Variants in MYOM2 observed in about 807,000 individuals in gnomAD.
MYOM2 encodes myomesin-2.
MYOM2 carries 254 observed loss-of-function variants against 187.6 expected under a neutral mutation model. The observed-to-expected ratio is 1.35, with a 90% CI of 1.22 to 1.50. The LOEUF (loss-of-function observed/expected upper bound fraction) is 1.50. Ranked by LOEUF, MYOM2 falls within the 40% of genes most tolerant of loss-of-function variation. MYOM2 has a pLI of 0.00. For synonymous variants in MYOM2, 981 were observed against 753.8 expected (o/e 1.30, Z -4.94); for missense variants, 2,796 against 1,924.0 (o/e 1.45, Z -8.48).
chr8:2,102,238 G>C (rs1408758129), intron 20 of MYOM2: 1 of 155,758 alleles, frequency 6.4e-6, no homozygotes, highest in Non-Finnish European at 1.4e-5. Flanking sequence ...GTTTATCCAA[G>C]CAGGTTTTAA....
At chr8:2,116,999 G>A (rs575597993) in intron 27 of MYOM2, among the ~76,000 whole-genome samples, 22 of 152,290 alleles carry the variant, frequency 1.4e-4, no homozygotes, top group Admixed American at 4.6e-4. Flanking sequence ...TCCTGACCTC[G>A]TGATCCGCCC....
chr8:2,106,491 C>T lies in MYOM2; in HGVS notation c.2892C>T (p.His964=), dbSNP rs1358953031. 2 of 1,611,544 alleles carry T rather than the reference C, an allele frequency of 1.2e-6. No individual in the cohort carries two copies. Among genetic ancestry groups the T allele is most frequent in the East Asian group, 4.5e-5 (2 of 44,790 alleles). Residue 964 remains histidine, a splice_region_variant and synonymous_variant, in exon 23 of 37, where the codon CAC becomes CAT. Transcript: ENST00000262113. The part of the protein sequence containing the change: ...ERFKIETVGD[H]SKLYLKNPDK... ...TTCACCTACTCTTCTTCCTTTTTAGCTCCAAGCTGTACTTAAAGAATCCGG... is the reference window on the plus strand; with the variant it reads ...TTCACCTACTCTTCTTCCTTTTTAGTTCCAAGCTGTACTTAAAGAATCCGG...
chr8:2,082,084 G>T (rs949394834), intron 13 of MYOM2: 1 of 152,206 alleles, frequency 6.6e-6, no homozygotes, highest in African/African-American at 2.4e-5. Flanking sequence ...TTGACGAGAC[G>T]TGGACACTGC....
intron 32 of MYOM2, 39 bp downstream of exon 32, chr8:2,129,271 T>C (rs144095026): frequency 0.031 from 44,283 of 1,451,632 alleles, 768 homozygotes; most frequent in Middle Eastern, 0.036. Flanking sequence ...ATGCCATAGA[T>C]GGGGCTGTCC....
chr8:2,085,547 A>C (rs1344361306), intron 14 of MYOM2, among the ~76,000 whole-genome samples, 157 bp downstream of exon 14: 3 of 20,578 alleles, frequency 1.5e-4, no homozygotes, highest in Non-Finnish European at 2.7e-4. Flanking sequence ...GCGTGGCCCC[A>C]CTGTCATGAT....
chr8:2,105,410 C>T (rs139750824), intron 21 of MYOM2, among the ~76,000 whole-genome samples: 53 of 152,286 alleles, frequency 3.5e-4, no homozygotes, highest in East Asian at 2.7e-3. Flanking sequence ...GCCTTGCACA[C>T]GGCCAGATGT....
Position 2,144,953 on chromosome 8 carries a change from C to A in MYOM2, c.4370C>A (p.Pro1457His). The change falls in exon 37 of 37, where the codon CCC becomes CAC. Residue 1457 changes from proline to histidine, a missense_variant. Transcript: ENST00000262113. ...PPQQAKPKLI[P>H]ASASAAGQ The stretch of plus-strand genomic sequence containing the variant: ...CAGCAAGCCAAGCCCAAGCTCATCC[C>A]CGCGTCTGCCTCAGCGGCAGGCCAG... 6.2e-7 allele frequency: 1 copy of A among 1,614,160 alleles called. No individual in the cohort carries two copies. The highest frequency in any genetic ancestry group is 8.5e-7 in the Non-Finnish European group (1 of 1,180,034).
chr8:2,069,944 G>C (rs1182240417), intron 8 of MYOM2, among the ~76,000 whole-genome samples: 2 of 151,960 alleles, frequency 1.3e-5, no homozygotes, highest in African/African-American at 4.8e-5. Context: ...AAAGTCTCTT[G>C]GTCCTTGTAA....
chr8:2,143,092 C>T (rs1472293500), intron 35 of MYOM2, among the ~76,000 whole-genome samples: 2 of 152,026 alleles, frequency 1.3e-5, no homozygotes, highest in Admixed American at 6.6e-5. Flanking sequence ...CAGGGACACA[C>T]GCGGCTCTCC....
chr8:2,046,284 T>G (rs1320120720), intron 1 of MYOM2, among the ~76,000 whole-genome samples: 1 of 152,150 alleles, frequency 6.6e-6, no homozygotes, highest in African/African-American at 2.4e-5. Flanking sequence ...AGGAAGGAAT[T>G]AGGATGGGGA....
chr8:2,073,959 G>C (rs1819326754), intron 10 of MYOM2, among the ~76,000 whole-genome samples: 1 of 152,144 alleles, frequency 6.6e-6, no homozygotes, highest in Non-Finnish European at 1.5e-5. Flanking sequence ...AGCCAGTGCT[G>C]TGACCTCCAC....
intron 6 of MYOM2, among the ~76,000 whole-genome samples, chr8:2,062,250 G>A (rs894097252): frequency 1.2e-4 from 18 of 152,202 alleles, no homozygotes; most frequent in African/African-American, 4.1e-4. Context: ...GGGAGGCGGG[G>A]AGACCCCAGA....
At chr8:2,139,980 A>G (rs1273100825) in intron 32 of MYOM2, among the ~76,000 whole-genome samples, 6 of 152,180 alleles carry the variant, frequency 3.9e-5, no homozygotes, top group African/African-American at 1.4e-4. Flanking sequence ...GGTGTTAAGT[A>G]CATTCACATC....
chr8:2,138,436 G>C (rs1306174063), intron 32 of MYOM2, among the ~76,000 whole-genome samples: 2 of 152,202 alleles, frequency 1.3e-5, no homozygotes, highest in Non-Finnish European at 2.9e-5. Context: ...TAGAATTCCA[G>C]ATGCGGGACT....
intron 28 of MYOM2, 99 bp downstream of exon 28, chr8:2,118,051 G>A: frequency 2.9e-6 from 3 of 1,027,078 alleles, no homozygotes; most frequent in Non-Finnish European, 2.9e-6. Context: ...TGTGATGCTG[G>A]TGAGGAAACG....
intron 20 of MYOM2, 37 bp from the exon 21 acceptor site, chr8:2,102,630 A>T (rs949138438): frequency 2.8e-6 from 4 of 1,421,998 alleles, no homozygotes; most frequent in Non-Finnish European, 3.9e-6. Context: ...TCTTTATTTT[A>T]CCTCCACACA....
chr8:2,058,056 T>G, intron 5 of MYOM2, among the ~76,000 whole-genome samples: 1 of 136,948 alleles, frequency 7.3e-6, no homozygotes, highest in African/African-American at 2.8e-5. Flanking sequence ...TCTCGCTCTG[T>G]TGCCCAGGCT....
Position 2,120,680 on chromosome 8 carries a change from T to TATATATATTTCCTGTATATATATA in MYOM2, c.3454-2572_3454-2571insATATATATTTCCTGTATATATATA. 2.3e-4 allele frequency among the ~76,000 whole-genome samples: 11 copies of TATATATATTTCCTGTATATATATA among 48,300 alleles called. 2 individuals are homozygous for TATATATATTTCCTGTATATATATA. The highest frequency in any genetic ancestry group is 7.8e-4 in the Admixed American group (2 of 2,568). 31.7% of individuals were successfully genotyped at this position (48,300 alleles called of 152,430 possible). A position where few individuals can be genotyped will look rare whatever the true frequency, so the allele number is the denominator to read the frequency against. ...CCTGTATATATATATATATATTATA[T>TATATATATTTCCTGTATATATATA]TATATATAAATATATAATATATATA... On this transcript the variant is annotated intron_variant, in intron 28 of 36. Coordinates refer to ENST00000262113, the MANE Select transcript of MYOM2 (RefSeq NM_003970.4).
chr8:2,101,972 A>C (rs1016025866), intron 20 of MYOM2: 3 of 152,216 alleles, frequency 2.0e-5, no homozygotes, highest in African/African-American at 7.2e-5. Context: ...GCTCCAGCTG[A>C]GTTGCCAACT....
Sources: gnomAD v4.1 joint callset for allele counts (sites outside exome capture counted in the v4.1 genomes callset) on GRCh38, gnomAD v4.1.1 for gene constraint, MANE v1.5 for transcripts, NCBI Gene and HGNC (gene_info 2026-07-23, HGNC 2026-07-21) for gene names.